The following CLYBL variants were observed in gnomAD, a reference collection of about 807,000 sequenced individuals.
CLYBL encodes citramalyl-CoA lyase.
Under a neutral mutation model 38.9 loss-of-function variants are expected in CLYBL, and 31 were observed. The ratio of observed to expected loss-of-function variants is 0.80; its 90% CI spans 0.60 to 1.08. CLYBL has a LOEUF of 1.08. Among genes scored for constraint, CLYBL ranks in the 50% least tolerant of loss-of-function variants. The probability of loss-of-function intolerance (pLI) is 0.00; values close to 1 mark genes in which losing one functional copy is unlikely to be tolerated. For missense variants in CLYBL, 434 were observed against 411.6 expected (o/e 1.05, Z -0.47); for synonymous variants, 171 against 158.6 (o/e 1.08, Z -0.59).
intron 2 of CLYBL, among the ~76,000 whole-genome samples, chr13:99,853,138 T>C (rs996314889): frequency 6.6e-6 from 1 of 150,888 alleles, no homozygotes; most frequent in African/African-American, 2.4e-5. Flanking sequence ...TTAAAAAATA[T>C]TTTTAATTGG....
intron 1 of CLYBL, among the ~76,000 whole-genome samples, chr13:99,734,765 C>T (rs932603406): frequency 6.6e-6 from 1 of 152,164 alleles, no homozygotes; most frequent in Non-Finnish European, 1.5e-5. Flanking sequence ...ATGAGTCTTC[C>T]AGATGAATGA....
At chr13:99,784,042 A>G (rs184309478) in intron 2 of CLYBL, 5 of 152,302 alleles carry the variant, frequency 3.3e-5, no homozygotes, top group Admixed American at 3.3e-4. Flanking sequence ...ACCCATATGT[A>G]TATTTTATTC....
chr13:99,747,848 C>T (rs2048880786), intron 1 of CLYBL, among the ~76,000 whole-genome samples: 3 of 152,134 alleles, frequency 2.0e-5, no homozygotes, highest in Non-Finnish European at 2.9e-5. Flanking sequence ...TGTGTTTTAT[C>T]CTGAATCTGA....
chr13:99,815,002 G>A (rs2050415514), intron 2 of CLYBL, among the ~76,000 whole-genome samples: 1 of 152,128 alleles, frequency 6.6e-6, no homozygotes, highest in African/African-American at 2.4e-5. Flanking sequence ...ACTTAGCTTG[G>A]GCAACAGATT....
intron 1 of CLYBL, among the ~76,000 whole-genome samples, chr13:99,670,199 A>T (rs898810625): frequency 2.0e-5 from 3 of 148,276 alleles, no homozygotes; most frequent in African/African-American, 7.4e-5. Context: ...ACTCCATCTT[A>T]AAAAAAAAAG....
intron 7 of CLYBL, among the ~76,000 whole-genome samples, chr13:99,875,233 A>C (rs988845283): frequency 6.6e-6 from 1 of 152,230 alleles, no homozygotes; most frequent in African/African-American, 2.4e-5. Flanking sequence ...CGCAACCAAC[A>C]TTCTCATTTC....
intron 1 of CLYBL, among the ~76,000 whole-genome samples, chr13:99,673,378 A>G (rs2047595792): frequency 6.6e-6 from 1 of 150,376 alleles, no homozygotes; most frequent in Non-Finnish European, 1.5e-5. Flanking sequence ...GCACCACTGC[A>G]CTCTAGCCTG....
chr13:99,739,738 C>T (rs2048721073), intron 1 of CLYBL, among the ~76,000 whole-genome samples: 1 of 152,178 alleles, frequency 6.6e-6, no homozygotes, highest in African/African-American at 2.4e-5. Flanking sequence ...CTTTAGGAGG[C>T]CGAGGTGGGT....
At chr13:99,612,297 T>C (rs1182216433) in intron 1 of CLYBL, among the ~76,000 whole-genome samples, 1 of 152,178 alleles carries the variant, frequency 6.6e-6, no homozygotes, top group East Asian at 1.9e-4. Flanking sequence ...CTCATCTTTA[T>C]TATTTCCTAC....
At chr13:99,682,941 T>C (rs948859489) in intron 1 of CLYBL, among the ~76,000 whole-genome samples, 1 of 152,132 alleles carries the variant, frequency 6.6e-6, no homozygotes, top group African/African-American at 2.4e-5. Context: ...TTTCGCCATG[T>C]TGGCCAGGCT....
chr13:99,716,636 G>A (rs1421040011), intron 1 of CLYBL, among the ~76,000 whole-genome samples: 12 of 151,438 alleles, frequency 7.9e-5, no homozygotes, highest in South Asian at 2.1e-4. Context: ...CACCCACCTC[G>A]GCCTCCCAAA....
chr13:99,783,687 C>T (rs558867742), intron 2 of CLYBL, among the ~76,000 whole-genome samples: 7 of 152,004 alleles, frequency 4.6e-5, no homozygotes, highest in Non-Finnish European at 7.4e-5. Context: ...CCTTATGATC[C>T]GCCCGCCTCG....
At chr13:99,837,427 G>C (rs1192122082) in intron 2 of CLYBL, among the ~76,000 whole-genome samples, 1 of 152,188 alleles carries the variant, frequency 6.6e-6, no homozygotes, top group Non-Finnish European at 1.5e-5. Context: ...ACTCCAGCCT[G>C]GGTGACAGAG....
intron 1 of CLYBL, among the ~76,000 whole-genome samples, chr13:99,668,829 A>C (rs2047522335): frequency 6.6e-6 from 1 of 151,996 alleles, no homozygotes; most frequent in South Asian, 2.1e-4. Context: ...TGAAGGGATA[A>C]AATCACACTC....
At chr13:99,627,125 A>G (rs1312897536) in intron 1 of CLYBL, among the ~76,000 whole-genome samples, 1 of 152,026 alleles carries the variant, frequency 6.6e-6, no homozygotes, top group Non-Finnish European at 1.5e-5. Context: ...TTTTGAGAGG[A>G]AAAGAGTATT....
At chr13:99,864,648 GGAT>G (rs1425351748) in intron 4 of CLYBL, among the ~76,000 whole-genome samples, 167 bp from the exon 5 acceptor site, 4 of 152,054 alleles carry the variant, frequency 2.6e-5, no homozygotes, top group African/African-American at 9.7e-5. Flanking sequence ...TACTTATCTT[GGAT>G]GATATTAAAT....
chr13:99,759,935 C>G (rs551913911), intron 1 of CLYBL, among the ~76,000 whole-genome samples: 1 of 152,128 alleles, frequency 6.6e-6, no homozygotes, highest in African/African-American at 2.4e-5. Flanking sequence ...CTGTTTGAGA[C>G]CTTTTAAATG....
intron 1 of CLYBL, among the ~76,000 whole-genome samples, chr13:99,743,603 G>A (rs935924112): frequency 6.6e-6 from 1 of 152,186 alleles, no homozygotes; most frequent in Non-Finnish European, 1.5e-5. Context: ...TGCACACTCT[G>A]TGGCTGTACT....
At chr13:99,760,816 A>G (rs1331325885) in intron 1 of CLYBL, among the ~76,000 whole-genome samples, 1 of 152,248 alleles carries the variant, frequency 6.6e-6, no homozygotes, top group Non-Finnish European at 1.5e-5. Context: ...AGATCAAAGC[A>G]CCATACTCAG....
Sources: allele counts gnomAD v4.1 joint callset (sites outside exome capture counted in the v4.1 genomes callset), GRCh38; gene constraint gnomAD v4.1.1; transcripts MANE v1.5; gene names NCBI Gene and HGNC (gene_info 2026-07-23, HGNC 2026-07-21).